Variants in UST observed in about 807,000 individuals in gnomAD.
The protein encoded by UST is chondroitin sulfate 2-O-sulfotransferase.
Under a neutral mutation model 45.6 loss-of-function variants are expected in UST, and 21 were observed. The ratio of observed to expected loss-of-function variants is 0.46; its 90% CI spans 0.33 to 0.66. UST has a LOEUF of 0.66. Among genes scored for constraint, UST ranks in the 30% least tolerant of loss-of-function variants. The pLI, the probability that UST is intolerant of heterozygous loss-of-function variation, is 0.02. For missense variants in UST, 463 were observed against 512.4 expected (o/e 0.90, Z 0.93); for synonymous variants, 215 against 200.6 (o/e 1.07, Z -0.61).
At position 149,021,372 on chromosome 6, in the gene UST, A is replaced by C; in HGVS notation, c.828A>C (p.Glu276Asp). 1.9e-6 allele frequency: 3 copies of C among 1,614,174 alleles called. No individual in the cohort carries two copies. Among genetic ancestry groups the C allele is most frequent in the Non-Finnish European group, 2.5e-6 (3 of 1,180,020 alleles). ...AGAGAGCAAAGCTGAACGTGAATGA[A>C]AACTTCCTGCTCGTGGGGATTCTTG... ...ALERAKLNVN[E>D]NFLLVGILEE... Residue 276 changes from glutamate (E) to aspartate (D), a missense_variant, in exon 7 of 8, where the codon GAA (glutamate) becomes GAC (aspartate). Transcript: ENST00000367463.
intron 1 of UST, among the ~76,000 whole-genome samples, chr6:148,874,265 A>T (rs552809642): frequency 2.6e-5 from 4 of 152,256 alleles, no homozygotes; most frequent in Admixed American, 2.6e-4. Context: ...TTATAGCAGT[A>T]GTGCACTGAT....
intron 7 of UST, among the ~76,000 whole-genome samples, chr6:149,046,050 A>G (rs1404795777): frequency 6.6e-6 from 1 of 152,230 alleles, no homozygotes; most frequent in Non-Finnish European, 1.5e-5. Context: ...GCCACAGTCA[A>G]GAAGTATTCA....
At chr6:148,953,838 T>G in intron 3 of UST, 34 bp from the exon 4 acceptor site, 1 of 1,287,816 alleles carries the variant, frequency 7.8e-7, no homozygotes, top group Non-Finnish European at 1.1e-6. Context: ...GTAAATTAGA[T>G]CCTATATATG....
intron 1 of UST, among the ~76,000 whole-genome samples, chr6:148,753,765 G>T (rs1028239016): frequency 6.6e-6 from 1 of 152,190 alleles, no homozygotes; most frequent in Non-Finnish European, 1.5e-5. Flanking sequence ...TGTTTCTACA[G>T]TGGCTGCACC....
chr6:148,944,231 C>T (rs1388860914), intron 3 of UST, among the ~76,000 whole-genome samples: 1 of 152,116 alleles, frequency 6.6e-6, no homozygotes, highest in African/African-American at 2.4e-5. Flanking sequence ...CCCATAGAAT[C>T]ATTGTCCTCT....
chr6:148,810,840 CT>C (rs1331041013), intron 1 of UST, among the ~76,000 whole-genome samples: 1 of 152,196 alleles, frequency 6.6e-6, no homozygotes, highest in Non-Finnish European at 1.5e-5. Flanking sequence ...CATATCTATC[CT>C]TATGAATTAC....
At chr6:148,896,891 G>A (rs186497071) in intron 2 of UST, among the ~76,000 whole-genome samples, 42 of 152,206 alleles carry the variant, frequency 2.8e-4, no homozygotes, top group African/African-American at 9.2e-4. Flanking sequence ...AAATGAGTAC[G>A]TCACCTCTTT....
chr6:148,747,723 T>C, intron 1 of UST, 46 bp downstream of exon 1: 1 of 1,520,722 alleles, frequency 6.6e-7, no homozygotes. Context: ...CAGCGCAAAG[T>C]TGTGCGGCGG....
chr6:148,804,948 A>G (rs558514631), intron 1 of UST, among the ~76,000 whole-genome samples: 5 of 152,116 alleles, frequency 3.3e-5, no homozygotes, highest in African/African-American at 1.2e-4. Flanking sequence ...TAAACCATGT[A>G]TATATGGATA....
intron 7 of UST, among the ~76,000 whole-genome samples, chr6:149,028,567 CT>C (rs1176942024): frequency 6.6e-6 from 1 of 152,184 alleles, no homozygotes; most frequent in African/African-American, 2.4e-5. Flanking sequence ...AATCTCATGC[CT>C]TTAAGAAACA....
intron 3 of UST, among the ~76,000 whole-genome samples, chr6:148,945,440 G>T (rs1159807610): frequency 6.6e-6 from 1 of 152,182 alleles, no homozygotes; most frequent in Non-Finnish European, 1.5e-5. Context: ...TTCTCCTGGA[G>T]ATTCTGGGGT....
At chr6:148,759,007 T>TACCCA (rs1776150941) in intron 1 of UST, among the ~76,000 whole-genome samples, 1 of 152,090 alleles carries the variant, frequency 6.6e-6, no homozygotes, top group Admixed American at 6.5e-5. Context: ...TAGGCCTGGG[T>TACCCA]GTGCAGGGTG....
chr6:148,933,405 A>G (rs1017849847), intron 2 of UST, among the ~76,000 whole-genome samples: 3 of 152,202 alleles, frequency 2.0e-5, no homozygotes, highest in Non-Finnish European at 2.9e-5. Flanking sequence ...ATCTATGGCT[A>G]TATTTATTTT....
chr6:148,962,036 G>T (rs1320255187), intron 4 of UST, among the ~76,000 whole-genome samples: 4 of 152,232 alleles, frequency 2.6e-5, no homozygotes, highest in Non-Finnish European at 5.9e-5. Context: ...TGTACAGAGG[G>T]TTGGCAGCCG....
chr6:149,017,865 A>G (rs1213148691), intron 5 of UST, among the ~76,000 whole-genome samples: 1 of 151,336 alleles, frequency 6.6e-6, no homozygotes, highest in East Asian at 1.9e-4. Context: ...TCTTCTTAGA[A>G]AGGTATTTCA....
At chr6:148,891,364 A>C (rs994826459) in intron 2 of UST, among the ~76,000 whole-genome samples, 1 of 152,220 alleles carries the variant, frequency 6.6e-6, no homozygotes, top group Non-Finnish European at 1.5e-5. Context: ...CCCAAACCCC[A>C]TAGATAAGGA....
chr6:148,977,587 T>C (rs1781041712), intron 5 of UST, among the ~76,000 whole-genome samples: 1 of 151,794 alleles, frequency 6.6e-6, no homozygotes, highest in Non-Finnish European at 1.5e-5. Flanking sequence ...CCGTCTCTAC[T>C]AAAGATACAA....
At chr6:148,823,054 C>G (rs1447218230) in intron 1 of UST, among the ~76,000 whole-genome samples, 1 of 152,076 alleles carries the variant, frequency 6.6e-6, no homozygotes, top group African/African-American at 2.4e-5. Context: ...TGGTGTGTTT[C>G]CCCACATCTG....
intron 1 of UST, among the ~76,000 whole-genome samples, chr6:148,770,215 C>T (rs781477252): frequency 6.6e-6 from 1 of 151,590 alleles, no homozygotes; most frequent in Non-Finnish European, 1.5e-5. Context: ...GATTTGCCCA[C>T]ATAACATGGG....
Sources: gnomAD v4.1 joint callset for allele counts (sites outside exome capture counted in the v4.1 genomes callset) on GRCh38, gnomAD v4.1.1 for gene constraint, MANE v1.5 for transcripts, NCBI Gene and HGNC (gene_info 2026-07-23, HGNC 2026-07-21) for gene names.